Variants in TTC7A observed in about 807,000 individuals in gnomAD.
The protein encoded by TTC7A is tetratricopeptide repeat protein 7A.
A neutral mutation model predicts 103.7 loss-of-function variants in TTC7A; 110 were observed. The observed-to-expected ratio is 1.06, with a 90% CI of 0.91 to 1.24. TTC7A has a LOEUF of 1.24. TTC7A is among the 50% of genes most tolerant of loss of function. The pLI is 0.00. For synonymous variants in TTC7A, 521 were observed against 467.9 expected, an observed-to-expected ratio of 1.11 and a Z score of -1.47; for missense variants, 1,340 against 1,116.3, an observed-to-expected ratio of 1.20 and a Z score of -2.86.
At chr2:46,949,245 T>C (rs1399794213) in intron 1 of TTC7A, among the ~76,000 whole-genome samples, 2 of 152,166 alleles carry the variant, frequency 1.3e-5, no homozygotes, top group Non-Finnish European at 2.9e-5. Flanking sequence ...ATCTTTATTT[T>C]TATTTTTTGA....
chr2:46,940,194 C>CA (rs2103875028), upstream of TTC7A, among the ~76,000 whole-genome samples: 1 of 152,258 alleles, frequency 6.6e-6, no homozygotes, highest in South Asian at 2.1e-4. The surrounding 1 kb of genome is among the most constrained non-coding windows in gnomAD (Gnocchi z 4.7). Context: ...TGTCCAAAAA[C>CA]ACTTAGGGCA....
At chr2:47,010,754 C>T (rs767814991) in intron 10 of TTC7A, among the ~76,000 whole-genome samples, 3 of 152,182 alleles carry the variant, frequency 2.0e-5, no homozygotes, top group Non-Finnish European at 4.4e-5. Context: ...GGCTGGAGTG[C>T]GGTGGCACAA....
At chr2:46,981,923 C>T (rs1674506676) in intron 5 of TTC7A, among the ~76,000 whole-genome samples, 1 of 152,230 alleles carries the variant, frequency 6.6e-6, no homozygotes, top group Admixed American at 6.5e-5. Context: ...GTGATGACTG[C>T]AACAGGCAGG....
At chr2:46,959,029 T>TAAGGTTGGA (rs1490794341) in intron 3 of TTC7A, among the ~76,000 whole-genome samples, 5 of 152,040 alleles carry the variant, frequency 3.3e-5, no homozygotes, top group Non-Finnish European at 4.4e-5. Flanking sequence ...GATGAGGAGT[T>TAAGGTTGGA]AAGGTTGGAA....
chr2:47,023,487 G>A, intron 13 of TTC7A, 22 bp downstream of exon 13: 2 of 1,613,460 alleles, frequency 1.2e-6, no homozygotes, highest in Non-Finnish European at 1.7e-6. Flanking sequence ...CCCACCTGCA[G>A]CAGAGGCCCC....
At chr2:46,950,267 G>A in intron 1 of TTC7A, 96 bp from the exon 2 acceptor site, 1 of 1,302,174 alleles carries the variant, frequency 7.7e-7, no homozygotes, top group Non-Finnish European at 1.1e-6. Context: ...TTCATGTACT[G>A]GGTATGGGTG....
intron 2 of TTC7A, among the ~76,000 whole-genome samples, chr2:46,933,111 C>A (rs1374386686): frequency 5.3e-5 from 8 of 152,152 alleles, no homozygotes; most frequent in Admixed American, 3.9e-4. Flanking sequence ...AGAACCAGCA[C>A]TGGGCAAGAT....
rs553994940 is a variant in TTC7A at position 47,073,842 on chromosome 2, C to G, written c.2496C>G (p.Ala832=). The G allele has an allele frequency of 1.2e-6, 2 of 1,613,670 alleles. No individual in the cohort carries two copies. Among genetic ancestry groups the G allele is most frequent in the African/African-American group, 1.3e-5 (1 of 74,932 alleles). The part of the protein sequence containing the change: ...VLQAQGQNEA[A]VDCFLTALEL... ...AGGCCCAGGGCCAGAACGAGGCTGCCGTTGACTGCTTCCTCACCGCCCTTG... is the reference window on the plus strand; with the variant it reads ...AGGCCCAGGGCCAGAACGAGGCTGCGGTTGACTGCTTCCTCACCGCCCTTG... The change falls in exon 20 of 20, where the codon GCC becomes GCG. Residue 832 remains alanine, a synonymous_variant. Transcript: ENST00000319190.
intron 18 of TTC7A, among the ~76,000 whole-genome samples, chr2:47,055,529 A>G (rs754286394): frequency 6.6e-5 from 10 of 152,102 alleles, no homozygotes; most frequent in Admixed American, 1.3e-4. Context: ...CTGAGTGTTG[A>G]GAGAGGTGCT....
intron 11 of TTC7A, among the ~76,000 whole-genome samples, chr2:47,014,874 G>T (rs1408624975): frequency 6.6e-6 from 1 of 152,272 alleles, no homozygotes; most frequent in East Asian, 1.9e-4. Flanking sequence ...CGGAGCACCT[G>T]CTCTTCCCAC....
At chr2:46,946,233 C>G (rs1198291390) in intron 1 of TTC7A, among the ~76,000 whole-genome samples, 1 of 152,102 alleles carries the variant, frequency 6.6e-6, no homozygotes, top group Non-Finnish European at 1.5e-5. Context: ...AATCAGCACC[C>G]AGAGTCAGAT....
intron 1 of TTC7A, among the ~76,000 whole-genome samples, chr2:46,916,887 C>T (rs932446583): frequency 6.6e-6 from 1 of 152,108 alleles, no homozygotes; most frequent in African/African-American, 2.4e-5. Flanking sequence ...CCCGCCTCAG[C>T]CTCCCAAAGT....
At chr2:47,022,051 GTCCT>G in intron 12 of TTC7A, 72 bp downstream of exon 12, 3 of 1,123,316 alleles carry the variant, frequency 2.7e-6, no homozygotes, top group Non-Finnish European at 3.9e-6. Context: ...GAGGCATCTT[GTCCT>G]ACCGGCACCC....
Position 46,941,705 on chromosome 2 carries a change from C to T in TTC7A, c.164C>T (p.Ala55Val), listed in dbSNP as rs201688234. ...GGNRRGSPSA[A>V]FTFPDTDDFG... The stretch of plus-strand genomic sequence containing the variant: ...AACAGGCGAGGCAGCCCGAGCGCAG[C>T]GTTCACCTTTCCGGACACCGGTGAG... The change falls in exon 1 of 20, where the codon GCG becomes GTG. Residue 55 changes from alanine (A) to valine (V), a missense_variant. Ala to Val is a moderately conservative substitution (Grantham distance 64, BLOSUM62 0). Coordinates refer to ENST00000319190, the MANE Select transcript of TTC7A (RefSeq NM_020458.4). This position sits in a 1 kb window ranked among gnomAD's most constrained non-coding sequence, Gnocchi z 4.2. 5.8e-6 allele frequency: 9 copies of T among 1,550,690 alleles called. No individual in the cohort carries two copies. The South Asian group carries it at 8.3e-5, about 14-fold the overall frequency.
chr2:46,989,571 AC>A (rs1675387877), intron 5 of TTC7A, among the ~76,000 whole-genome samples: 1 of 149,858 alleles, frequency 6.7e-6, no homozygotes, highest in Admixed American at 6.6e-5. Flanking sequence ...GTTAGCTGGG[AC>A]CCCAGATCTC....
At chr2:47,022,196 G>A (rs1049092788) in intron 12 of TTC7A, among the ~76,000 whole-genome samples, 9 of 151,962 alleles carry the variant, frequency 5.9e-5, no homozygotes, top group African/African-American at 2.2e-4. Context: ...CCAGACTGTC[G>A]CCACCCTCAA....
intron 11 of TTC7A, among the ~76,000 whole-genome samples, chr2:47,019,605 C>G (rs925450462): frequency 1.3e-5 from 2 of 151,972 alleles, no homozygotes; most frequent in Non-Finnish European, 2.9e-5. Context: ...CTTTATAAAG[C>G]TAAAGGATGA....
intron 18 of TTC7A, among the ~76,000 whole-genome samples, chr2:47,052,895 A>G (rs1044223787): frequency 1.3e-5 from 2 of 151,258 alleles, no homozygotes; most frequent in Non-Finnish European, 2.9e-5. Context: ...CCAGGGGGGG[A>G]GTTGGAGAAG....
At position 47,075,334 on chromosome 2, in the gene TTC7A, A is replaced by T. The variant is rs902559807; in HGVS notation, c.*1411A>T. On this transcript the variant is annotated 3_prime_UTR_variant, in exon 20 of 20. Transcript: ENST00000319190. Reference sequence around the variant, plus strand: ...ATCTATATATATAAAATAGAGATCTATTTTTTTTCTGGAATTCTGTTAGAA... The same window carrying T: ...ATCTATATATATAAAATAGAGATCTTTTTTTTTTCTGGAATTCTGTTAGAA... 1 of 152,030 alleles carries T rather than the reference A, an allele frequency of 6.6e-6. No individual in the cohort carries two copies. The highest frequency in any genetic ancestry group is 2.4e-5 in the African/African-American group (1 of 41,382). The allele number at this position is 152,030 out of a possible 1,614,324, so 9.4% of individuals were successfully genotyped here.
Sources: allele counts gnomAD v4.1 joint callset (sites outside exome capture counted in the v4.1 genomes callset), GRCh38; gene constraint gnomAD v4.1.1; non-coding constraint Gnocchi (gnomAD v3.1); transcripts MANE v1.5; gene names NCBI Gene and HGNC (gene_info 2026-07-23, HGNC 2026-07-21).